Variants in CHODL observed in about 807,000 individuals in gnomAD.
CHODL encodes the protein transmembrane protein MT75.
A neutral mutation model predicts 34.5 loss-of-function variants in CHODL; 29 were observed. The observed-to-expected ratio is 0.84, with a 90% CI of 0.63 to 1.15. The LOEUF is 1.15. CHODL is among the 50% of genes most tolerant of loss of function. The pLI, the probability that CHODL is intolerant of heterozygous loss-of-function variation, is 0.00. For synonymous variants in CHODL, 125 were observed against 116.1 expected (o/e 1.08, Z -0.49); for missense variants, 332 against 332.5 (o/e 1.00, Z 0.01).
intron 2 of CHODL, among the ~76,000 whole-genome samples, chr21:18,236,928 T>C (rs1350446974): frequency 6.6e-6 from 1 of 152,096 alleles, no homozygotes; most frequent in Non-Finnish European, 1.5e-5. Context: ...CTGTTAGGCA[T>C]GGAGGATACA....
intron 2 of CHODL, among the ~76,000 whole-genome samples, chr21:18,080,082 ATTAG>A (rs2064922991): frequency 6.6e-6 from 1 of 151,938 alleles, no homozygotes; most frequent in African/African-American, 2.4e-5. Context: ...TTCTCTGTTG[ATTAG>A]TTATGTTGAG....
At chr21:17,958,072 C>T (rs976121714) in intron 1 of CHODL, among the ~76,000 whole-genome samples, 10 of 151,932 alleles carry the variant, frequency 6.6e-5, no homozygotes, top group African/African-American at 1.2e-4. Context: ...TTTTTTCTTA[C>T]GCCTAACCAA....
intron 1 of CHODL, among the ~76,000 whole-genome samples, chr21:17,997,209 G>A (rs191968514): frequency 6.6e-6 from 1 of 152,302 alleles, no homozygotes; most frequent in East Asian, 1.9e-4. Flanking sequence ...TAACTGGTAT[G>A]TCTAGATATG....
chr21:18,170,679 C>A (rs2073216811), intron 2 of CHODL, among the ~76,000 whole-genome samples: 1 of 152,050 alleles, frequency 6.6e-6, no homozygotes, highest in African/African-American at 2.4e-5. Context: ...CTTACATAAC[C>A]TCATTTTCTC....
At chr21:17,980,006 G>A (rs2063701140) in intron 1 of CHODL, among the ~76,000 whole-genome samples, 1 of 151,238 alleles carries the variant, frequency 6.6e-6, no homozygotes, top group African/African-American at 2.4e-5. Flanking sequence ...ATAGAAAAAT[G>A]TTGACATAAA....
At position 18,193,697 on chromosome 21, in the gene CHODL, GA is replaced by G. The variant is rs1015005875; in HGVS notation, c.-44-62799del. Among the ~76,000 whole-genome samples, 302 of 74,170 alleles carry G rather than the reference GA, an allele frequency of 4.1e-3. 4 individuals are homozygous for G. Among genetic ancestry groups the G allele is most frequent in the East Asian group, 0.04 (109 of 2,704 alleles). The allele number at this position is 74,170 out of a possible 152,430, so 48.7% of individuals were successfully genotyped here. The stretch of plus-strand genomic sequence containing the variant: ...GGCAACAGAGCAAGACTCTGTCTCA[GA>G]AAAAAAAAAAAATAAAATAAATAAA... On this transcript the variant is annotated intron_variant, in intron 2 of 6. Coordinates refer to the CHODL transcript ENST00000400127.
intron 2 of CHODL, among the ~76,000 whole-genome samples, chr21:18,201,865 C>A (rs113703330): frequency 7.2e-6 from 1 of 139,236 alleles, no homozygotes; most frequent in Non-Finnish European, 1.5e-5. Flanking sequence ...AGTGCAGTGG[C>A]GCGATCTCGG....
At chr21:18,116,557 G>T (rs539612093) in intron 2 of CHODL, among the ~76,000 whole-genome samples, 76 of 152,140 alleles carry the variant, frequency 5.0e-4, no homozygotes, top group Middle Eastern at 6.8e-3. Context: ...TTTTGTTTGA[G>T]CTTGAAAGGT....
At chr21:18,149,609 T>A (rs1272385174) in intron 2 of CHODL, among the ~76,000 whole-genome samples, 1 of 152,238 alleles carries the variant, frequency 6.6e-6, no homozygotes, top group Admixed American at 6.5e-5. Flanking sequence ...AACTTCTATA[T>A]GTCAAGCTAC....
chr21:18,177,112 A>T (rs866848096), intron 2 of CHODL, among the ~76,000 whole-genome samples: 9 of 152,084 alleles, frequency 5.9e-5, no homozygotes, highest in African/African-American at 2.2e-4. Flanking sequence ...TGACTTCTTC[A>T]TCAAAAAAGT....
upstream of CHODL, among the ~76,000 whole-genome samples, chr21:18,244,252 C>A (rs1033601483): frequency 6.6e-6 from 1 of 152,204 alleles, no homozygotes; most frequent in African/African-American, 2.4e-5. Flanking sequence ...TCTGGAGTTG[C>A]AAACACTGAG....
intron 2 of CHODL, among the ~76,000 whole-genome samples, chr21:18,131,563 A>G (rs537401973): frequency 2.0e-5 from 3 of 152,286 alleles, no homozygotes; most frequent in Admixed American, 2.0e-4. Flanking sequence ...AGTTATTTTC[A>G]TCCTGTAATT....
intron 2 of CHODL, among the ~76,000 whole-genome samples, chr21:18,208,772 TCTTTGGTAAGATAC>T (rs1029685358): frequency 2.6e-5 from 4 of 152,144 alleles, no homozygotes; most frequent in Non-Finnish European, 5.9e-5. Flanking sequence ...AATTTGGTTG[TCTTTGGTAAGATAC>T]AGAAGAATTC....
intron 1 of CHODL, among the ~76,000 whole-genome samples, chr21:17,939,512 CAATT>C (rs748203003): frequency 3.8e-4 from 58 of 152,200 alleles, no homozygotes; most frequent in South Asian, 8.3e-4. Context: ...AAGTAATTCA[CAATT>C]AAATAATAAT....
At chr21:17,952,475 A>T (rs2063466468) in intron 1 of CHODL, among the ~76,000 whole-genome samples, 1 of 152,054 alleles carries the variant, frequency 6.6e-6, no homozygotes, top group Non-Finnish European at 1.5e-5. Flanking sequence ...ACTTACCGTT[A>T]ACCAAAGAAA....
At chr21:18,121,485 G>A (rs181924051) in intron 2 of CHODL, among the ~76,000 whole-genome samples, 23 of 152,228 alleles carry the variant, frequency 1.5e-4, no homozygotes, top group African/African-American at 5.5e-4. Context: ...ATATCAAAGA[G>A]GCATCTCAAA....
At chr21:18,058,395 G>T (rs967149941) in intron 2 of CHODL, among the ~76,000 whole-genome samples, 6 of 152,156 alleles carry the variant, frequency 3.9e-5, no homozygotes, top group African/African-American at 1.4e-4. Context: ...AGAGATAGCT[G>T]CATCCCCATG....
At chr21:17,958,223 A>G (rs2063507209) in intron 1 of CHODL, among the ~76,000 whole-genome samples, 1 of 152,174 alleles carries the variant, frequency 6.6e-6, no homozygotes, top group South Asian at 2.1e-4. Flanking sequence ...CTCCAGAGGA[A>G]ATGATCCCAG....
chr21:18,108,082 G>A (rs1178129586), intron 2 of CHODL, among the ~76,000 whole-genome samples: 1 of 151,918 alleles, frequency 6.6e-6, no homozygotes, highest in African/African-American at 2.4e-5. Context: ...ACCATTGTGG[G>A]ATTGTACACA....
Sources: allele counts gnomAD v4.1 joint callset (sites outside exome capture counted in the v4.1 genomes callset), GRCh38; gene constraint gnomAD v4.1.1; transcripts MANE v1.5; gene names NCBI Gene and HGNC (gene_info 2026-07-23, HGNC 2026-07-21).